PLEKHA5: variants seen among roughly 807,000 people sequenced by gnomAD.
The protein encoded by PLEKHA5 is pleckstrin homology domain containing A5, also known as pleckstrin homology domain-containing family A member 5.
In PLEKHA5, 55 loss-of-function variants were observed where a neutral mutation model predicts 181.9. The observed-to-expected ratio is 0.30, with a 90% CI of 0.24 to 0.38. The LOEUF (loss-of-function observed/expected upper bound fraction) is 0.38. Among genes scored for constraint, PLEKHA5 ranks in the 10% least tolerant of loss-of-function variants. PLEKHA5 has a pLI of 1.00. For missense variants in PLEKHA5, 1,432 were observed against 1,549.5 expected (o/e 0.92, Z 1.27); for synonymous variants, 535 against 529.4 (o/e 1.01, Z -0.15).
intron 3 of PLEKHA5, among the ~76,000 whole-genome samples, chr12:19,202,543 C>T (rs1350716885): frequency 2.6e-5 from 4 of 151,950 alleles, no homozygotes; most frequent in Admixed American, 2.6e-4. Context: ...TGTGTGTTCT[C>T]CAGCTTCACA....
chr12:19,199,959 A>G (rs1341127096), intron 3 of PLEKHA5, among the ~76,000 whole-genome samples: 1 of 152,112 alleles, frequency 6.6e-6, no homozygotes. Flanking sequence ...ATGGAGGTCG[A>G]CAGTGGAATG....
At chr12:19,301,992 C>T (rs2081603110) in intron 15 of PLEKHA5, among the ~76,000 whole-genome samples, 2 of 152,168 alleles carry the variant, frequency 1.3e-5, no homozygotes, top group East Asian at 1.9e-4. Context: ...CCTGCATTCC[C>T]TAAAGCCTCA....
intron 7 of PLEKHA5, among the ~76,000 whole-genome samples, chr12:19,265,020 A>G (rs2069842268): frequency 6.6e-6 from 1 of 152,192 alleles, no homozygotes; most frequent in Non-Finnish European, 1.5e-5. Context: ...GGTATATTTT[A>G]TGTGCTTGCC....
intron 29 of PLEKHA5, among the ~76,000 whole-genome samples, chr12:19,363,916 G>C (rs900356874): frequency 6.6e-6 from 1 of 152,196 alleles, no homozygotes; most frequent in African/African-American, 2.4e-5. Context: ...TGAATAGCAA[G>C]ATTGAATTTG....
chr12:19,143,580 T>A (rs2038042853), intron 3 of PLEKHA5, among the ~76,000 whole-genome samples: 1 of 152,190 alleles, frequency 6.6e-6, no homozygotes. Context: ...TAACACATAA[T>A]TATATATGCA....
intron 5 of PLEKHA5, 71 bp downstream of exon 5, chr12:19,255,236 C>A: frequency 2.2e-6 from 2 of 894,168 alleles, no homozygotes; most frequent in South Asian, 3.5e-5. Context: ...TCATAATGGA[C>A]TTAAAAGTAT....
intron 25 of PLEKHA5, 91 bp downstream of exon 25, chr12:19,348,610 C>T (rs527305625): frequency 6.4e-5 from 61 of 956,498 alleles, no homozygotes; most frequent in African/African-American, 3.4e-4. Context: ...TACATGTTGA[C>T]TCATATATGA....
intron 30 of PLEKHA5, among the ~76,000 whole-genome samples, chr12:19,366,354 T>A (rs902381049): frequency 1.1e-4 from 17 of 152,062 alleles, no homozygotes; most frequent in African/African-American, 3.9e-4. Context: ...TAGAGTAAAC[T>A]TTTTCTAATA....
chr12:19,216,195 C>T (rs2057947347), intron 3 of PLEKHA5, among the ~76,000 whole-genome samples: 2 of 152,112 alleles, frequency 1.3e-5, no homozygotes, highest in Non-Finnish European at 2.9e-5. Flanking sequence ...TTTAGGAACA[C>T]TGGGTGGTAT....
At chr12:19,178,032 C>T (rs1305408350) in intron 3 of PLEKHA5, among the ~76,000 whole-genome samples, 1 of 152,176 alleles carries the variant, frequency 6.6e-6, no homozygotes, top group East Asian at 1.9e-4. Context: ...GTGTCATCAT[C>T]TTCATACTCC....
chr12:19,215,524 A>G (rs1426220277), intron 3 of PLEKHA5, among the ~76,000 whole-genome samples: 3 of 152,184 alleles, frequency 2.0e-5, no homozygotes, highest in African/African-American at 7.2e-5. Context: ...ATCCCCTGTC[A>G]CTTCAAGTTA....
At chr12:19,225,048 A>AAAATTGGGGTTATCTCT (rs2059502516) in intron 3 of PLEKHA5, among the ~76,000 whole-genome samples, 1 of 152,176 alleles carries the variant, frequency 6.6e-6, no homozygotes, top group Non-Finnish European at 1.5e-5. Flanking sequence ...CTCTTCTGTT[A>AAAATTGGGGTTATCTCT]GCCACAACGG....
chr12:19,265,929 CA>C (rs1458644352), intron 8 of PLEKHA5, 79 bp downstream of exon 8: 2 of 699,372 alleles, frequency 2.9e-6, no homozygotes, highest in Non-Finnish European at 5.0e-6. Context: ...TAGATTATTA[CA>C]AAAAAGCTAC....
intron 3 of PLEKHA5, among the ~76,000 whole-genome samples, chr12:19,193,482 T>C (rs1301356612): frequency 6.6e-6 from 1 of 152,150 alleles, no homozygotes; most frequent in Admixed American, 6.5e-5. Context: ...TATTCTGATT[T>C]AGAGTTTTGA....
Position 19,347,007 on chromosome 12 carries a change from TC to T in PLEKHA5, c.2726del (p.Pro909HisfsTer18). On this transcript the variant is annotated frameshift_variant, in exon 24 of 32. Transcript: ENST00000429027. LOFTEE classifies it high-confidence loss of function. Reference protein sequence around the residue: ...VKYKNEEEEVVPPRPPLPRSY... With the variant: ...VKYKNEEEEVXPPRPPLPRSY... ...TACAATCTTTAGGAAGAGGAAGTAG[TC>T]CCACCTCGTCCTCCACTTCCTCGGT... is the stretch of plus-strand genomic sequence containing the variant. 1 of 1,547,890 alleles carries T rather than the reference TC, an allele frequency of 6.5e-7. No homozygotes were observed. The highest frequency in any genetic ancestry group is 8.7e-7 in the Non-Finnish European group (1 of 1,144,666).
chr12:19,192,270 G>A (rs1374710813), intron 3 of PLEKHA5, among the ~76,000 whole-genome samples: 1 of 152,218 alleles, frequency 6.6e-6, no homozygotes. Flanking sequence ...GAAGTCAAAG[G>A]TGTAAAAAGG....
chr12:19,140,817 C>G (rs2037037556), intron 3 of PLEKHA5, among the ~76,000 whole-genome samples: 1 of 152,162 alleles, frequency 6.6e-6, no homozygotes, highest in Non-Finnish European at 1.5e-5. Flanking sequence ...GAGACAGAGT[C>G]TCGCTCTGTT....
intron 3 of PLEKHA5, among the ~76,000 whole-genome samples, chr12:19,215,052 C>T (rs891021034): frequency 1.3e-5 from 2 of 152,082 alleles, no homozygotes; most frequent in African/African-American, 4.8e-5. Context: ...TGGCGCATGC[C>T]TGTAATCCCA....
chr12:19,336,650 A>T, intron 21 of PLEKHA5, 34 bp downstream of exon 21: 1 of 1,137,002 alleles, frequency 8.8e-7, no homozygotes, highest in Non-Finnish European at 1.3e-6. Context: ...TATTGTTTTA[A>T]CTGTTTTTAC....
Sources: allele counts gnomAD v4.1 joint callset (sites outside exome capture counted in the v4.1 genomes callset), GRCh38; gene constraint gnomAD v4.1.1; transcripts MANE v1.5; gene names NCBI Gene and HGNC (gene_info 2026-07-23, HGNC 2026-07-21).